Variants in LIMS2 observed in about 807,000 individuals in gnomAD.
LIMS2 encodes LIM and senescent cell antigen-like-containing domain protein 2.
In LIMS2, 30 loss-of-function variants were observed where a neutral mutation model predicts 45.3. The ratio of observed to expected loss-of-function variants is 0.66; its 90% CI spans 0.50 to 0.90. The LOEUF is 0.90. LIMS2 is among the 40% of genes least tolerant of loss of function. The pLI, the probability that LIMS2 is intolerant of heterozygous loss-of-function variation, is 0.00. For synonymous variants in LIMS2, 173 were observed against 188.0 expected (o/e 0.92, Z 0.65); for missense variants, 485 against 468.7 (o/e 1.03, Z -0.32).
chr2:127,650,659 A>G, intron 4 of LIMS2: 2 of 1,218,274 alleles, frequency 1.6e-6, no homozygotes, highest in Non-Finnish European at 2.3e-6. Flanking sequence ...GACTTCAGAG[A>G]GCGTGAAGCT....
At chr2:127,654,228 G>A (rs1170474852) in intron 4 of LIMS2, among the ~76,000 whole-genome samples, 196 bp downstream of exon 4, 1 of 152,116 alleles carries the variant, frequency 6.6e-6, no homozygotes, top group African/African-American at 2.4e-5. Context: ...GGAGCTCGCT[G>A]AGCGTGGGGC....
At position 127,647,452 on chromosome 2, in the gene LIMS2, T is replaced by C. The variant is rs1558875482; in HGVS notation, c.360-4380A>G. Among the ~76,000 whole-genome samples, 1 of 152,158 alleles carries C rather than the reference T, an allele frequency of 6.6e-6. No homozygotes were observed. Among genetic ancestry groups the C allele is most frequent in the Non-Finnish European group, 1.5e-5 (1 of 68,016 alleles). ...CTAACCTGCAACATGGGGCTAAAAC[T>C]GGTTTGAGCCAGCACAGGCAGGCCC... On this transcript the variant is annotated intron_variant, in intron 4 of 9. Transcript: ENST00000355119. The surrounding 1 kb of genome is among the most constrained non-coding windows in gnomAD (Gnocchi z 4.3).
upstream of LIMS2, among the ~76,000 whole-genome samples, chr2:127,679,447 G>A (rs1425174735): frequency 7.9e-6 from 1 of 126,872 alleles, no homozygotes; most frequent in Non-Finnish European, 1.6e-5. The surrounding 1 kb of genome is among the most constrained non-coding windows in gnomAD (Gnocchi z 5.3). Flanking sequence ...TTCGCTGGGG[G>A]ACAGTGGGGC....
rs28576999 is a variant in LIMS2 at position 127,661,169 on chromosome 2, G to A, written c.12-3607C>T. The stretch of plus-strand genomic sequence containing the variant: ...CACAGAGAGGCCGGCAGAGGCCTGG[G>A]CCCAGCCGCTCAGCTCTACACGTGA... On this transcript the variant is annotated intron_variant, in intron 1 of 9. Coordinates refer to ENST00000355119, the MANE Select transcript of LIMS2 (RefSeq NM_001161403.3). Among the ~76,000 whole-genome samples the A allele has an allele frequency of 4.8e-3, 738 of 152,286 alleles. 3 individuals carry two copies. Among genetic ancestry groups the A allele is most frequent in the African/African-American group, 0.017 (706 of 41,548 alleles).
rs150470565 is a variant in LIMS2, at chr2:127,642,006, G to A, written c.660+43C>T. On this transcript the variant is annotated intron_variant, in intron 6 of 9. Coordinates refer to ENST00000355119, the MANE Select transcript of LIMS2 (RefSeq NM_001161403.3). This position sits in a 1 kb window ranked among gnomAD's most constrained non-coding sequence, Gnocchi z 5.3. ...GCTCTTACCATGACCCTGAGCTGGG[G>A]CACCCCCCAACCTGAGGCCACGTGT... 2,628 of 1,595,684 alleles carry A rather than the reference G, an allele frequency of 1.6e-3. 43 individuals carry two copies. The African/African-American group carries it at 0.032, about 19-fold the overall frequency.
At position 127,638,808 on chromosome 2, in the gene LIMS2, C is replaced by CCAT. The variant is rs1316001087; in HGVS notation, c.*470_*472dup. 1.2e-5 allele frequency: 2 copies of CCAT among 163,178 alleles called. No homozygotes were observed. The highest frequency in any genetic ancestry group is 2.4e-5 in the African/African-American group (1 of 41,634). The allele number at this position is 163,178 out of a possible 1,614,324, so 10.1% of individuals were successfully genotyped here. On this transcript the variant is annotated 3_prime_UTR_variant, in exon 10 of 10. Coordinates refer to ENST00000355119, the MANE Select transcript of LIMS2 (RefSeq NM_001161403.3). Reference sequence around the variant, plus strand: ...GATTGGAGGTGGCTCCCAGAGGCCTCCATCTGCATGGCCCTGGCCCTGTGG... The same window carrying CCAT: ...GATTGGAGGTGGCTCCCAGAGGCCTCCATCATCTGCATGGCCCTGGCCCTGTGG...
At chr2:127,660,225 T>C (rs10189358) in intron 1 of LIMS2, among the ~76,000 whole-genome samples, 151,951 of 152,314 alleles carry the variant, frequency 1, 75,794 homozygotes, top group Middle Eastern at 1. Flanking sequence ...ATAGACCAAT[T>C]AGCACTCTGT....
chr2:127,659,673 G>A (rs538552636), intron 1 of LIMS2, among the ~76,000 whole-genome samples: 16 of 152,326 alleles, frequency 1.1e-4, no homozygotes, highest in East Asian at 5.8e-4. Flanking sequence ...CTCTGGGCCT[G>A]GAATTCCTCA....
rs72846207 is a variant in LIMS2 at position 127,672,740 on chromosome 2, A to G, written c.11+2274T>C. Among the ~76,000 whole-genome samples, 21,762 of 152,284 alleles carry G rather than the reference A, an allele frequency of 0.14. 1,630 individuals carry two copies. The highest frequency in any genetic ancestry group is 0.22 in the South Asian group (1,084 of 4,828). On this transcript the variant is annotated intron_variant, in intron 1 of 9. Transcript: ENST00000355119. The surrounding 1 kb of genome is among the most constrained non-coding windows in gnomAD (Gnocchi z 4.9). ...ACCCATGGGTTCATCTGCAGACAGC[A>G]TGGCCACACATGCCACTCCAGGTCA... is the stretch of plus-strand genomic sequence containing the variant.
chr2:127,659,972 T>G (rs1371927239), intron 1 of LIMS2, among the ~76,000 whole-genome samples: 1 of 152,202 alleles, frequency 6.6e-6, no homozygotes, highest in Admixed American at 6.5e-5. Flanking sequence ...CTAGCCCAGC[T>G]GCTTCACCAC....
intron 1 of LIMS2, among the ~76,000 whole-genome samples, chr2:127,669,057 C>A (rs1199017818): frequency 6.6e-6 from 1 of 152,158 alleles, no homozygotes; most frequent in Non-Finnish European, 1.5e-5. Context: ...CTTGCCACTG[C>A]ACTCCAGCCT....
Position 127,656,688 on chromosome 2 carries a change from T to A in LIMS2, c.171+715A>T, listed in dbSNP as rs1684278411. 2.0e-5 allele frequency among the ~76,000 whole-genome samples: 3 copies of A among 152,186 alleles called. No homozygotes were observed. In the South Asian group the frequency reaches 6.2e-4, roughly 31 times the overall value. ...CCTCCGCCTCCCAAAGTGCTGGGAT[T>A]ACAGGCGTGAGCCGCCGCGCCCGGC... On this transcript the variant is annotated intron_variant, in intron 2 of 9. Coordinates refer to ENST00000355119, the MANE Select transcript of LIMS2 (RefSeq NM_001161403.3).
intron 4 of LIMS2, among the ~76,000 whole-genome samples, chr2:127,644,280 G>A (rs962187418): frequency 2.6e-5 from 4 of 152,208 alleles, no homozygotes; most frequent in African/African-American, 2.4e-5. Flanking sequence ...GAATGCCTCG[G>A]TGAATGAATG....
At chr2:127,665,686 G>A (rs894758671) in intron 1 of LIMS2, among the ~76,000 whole-genome samples, 6 of 152,164 alleles carry the variant, frequency 3.9e-5, no homozygotes, top group Non-Finnish European at 7.3e-5. Flanking sequence ...AACTTACACC[G>A]AAAATGTTCT....
chr2:127,662,477 GC>G (rs1216423328), intron 1 of LIMS2, among the ~76,000 whole-genome samples: 1 of 151,892 alleles, frequency 6.6e-6, no homozygotes, highest in African/African-American at 2.4e-5. Context: ...GGGTCACCTG[GC>G]CACATGAGGT....
chr2:127,654,278 C>G (rs1684081697), intron 4 of LIMS2, 146 bp downstream of exon 4: 1 of 1,124,706 alleles, frequency 8.9e-7, no homozygotes, highest in Non-Finnish European at 1.3e-6. Flanking sequence ...CCGGGGTGAC[C>G]TGGAGGGAGG....
Position 127,672,946 on chromosome 2 carries a change from T to C in LIMS2, c.11+2068A>G, listed in dbSNP as rs1431483947. On this transcript the variant is annotated intron_variant, in intron 1 of 9. Coordinates refer to ENST00000355119, the MANE Select transcript of LIMS2 (RefSeq NM_001161403.3). The surrounding 1 kb of genome is among the most constrained non-coding windows in gnomAD (Gnocchi z 4.9). Reference sequence around the variant, plus strand: ...TCCAGGCACGAGGAGCTGCCCGGGATCACATGGGAACAGTGGACGTGGGGA... The same window carrying C: ...TCCAGGCACGAGGAGCTGCCCGGGACCACATGGGAACAGTGGACGTGGGGA... Among the ~76,000 whole-genome samples, 2 of 152,118 alleles carry C rather than the reference T, an allele frequency of 1.3e-5. No individual in the cohort carries two copies. Among genetic ancestry groups the C allele is most frequent in the Non-Finnish European group, 2.9e-5 (2 of 68,022 alleles).
At chr2:127,666,759 A>G (rs765312147) in intron 1 of LIMS2, among the ~76,000 whole-genome samples, 34 of 152,210 alleles carry the variant, frequency 2.2e-4, no homozygotes, top group Non-Finnish European at 1.9e-4. Flanking sequence ...GGCAGAAGGC[A>G]AAGGGGAATC....
At chr2:127,654,384 C>A (rs1684092968) in intron 4 of LIMS2, 40 bp downstream of exon 4, 2 of 1,613,054 alleles carry the variant, frequency 1.2e-6, no homozygotes, top group Admixed American at 1.7e-5. Flanking sequence ...CCAGGAAGGG[C>A]TGTGGCCCAG....
Sources: allele counts gnomAD v4.1 joint callset (sites outside exome capture counted in the v4.1 genomes callset), GRCh38; gene constraint gnomAD v4.1.1; non-coding constraint Gnocchi (gnomAD v3.1); transcripts MANE v1.5; gene names NCBI Gene and HGNC (gene_info 2026-07-23, HGNC 2026-07-21).